Variants in RBMS3 observed in about 807,000 individuals in gnomAD.
RBMS3 encodes the protein RNA-binding motif, single-stranded-interacting protein 3.
A neutral mutation model predicts 66.8 loss-of-function variants in RBMS3; 27 were observed. The ratio of observed to expected loss-of-function variants is 0.40; its 90% confidence interval spans 0.30 to 0.56. The LOEUF is 0.56. Ranked by LOEUF, RBMS3 falls within the 20% of genes least tolerant of loss-of-function variation. The pLI is 0.40. For synonymous variants in RBMS3, 188 were observed against 183.0 expected (o/e 1.03, Z -0.22); for missense variants, 513 against 549.5 (o/e 0.93, Z 0.66).
intron 3 of RBMS3, among the ~76,000 whole-genome samples, chr3:29,522,741 C>T (rs1314275701): frequency 6.6e-6 from 1 of 152,096 alleles, no homozygotes; most frequent in African/African-American, 2.4e-5. Flanking sequence ...CAATACTACC[C>T]ATTGGCCAAT....
intron 8 of RBMS3, among the ~76,000 whole-genome samples, chr3:29,888,726 T>C (rs747543186): frequency 1.3e-4 from 20 of 151,654 alleles, no homozygotes; most frequent in Non-Finnish European, 2.8e-4. Context: ...AACGCACATA[T>C]CAAATTTTGT....
chr3:30,010,386 A>G lies in RBMS3; in HGVS notation c.*6524A>G, dbSNP rs369318980. On this transcript the variant is annotated 3_prime_UTR_variant, in exon 15 of 15. Coordinates refer to ENST00000383767, the MANE Select transcript of RBMS3 (RefSeq NM_001003793.3). The stretch of plus-strand genomic sequence containing the variant: ...TCAATAAAAAATGAAAATAAAATCA[A>G]TTGAATAGGGCTGTTGTGTTTTTCT... 2.0e-5 allele frequency: 3 copies of G among 152,380 alleles called. No homozygotes were observed. The highest frequency in any genetic ancestry group is 3.9e-4 in the East Asian group (2 of 5,186). 9.4% of individuals were successfully genotyped at this position (152,380 alleles called of 1,614,324 possible). A position where few individuals can be genotyped will look rare whatever the true frequency, so the allele number is the denominator to read the frequency against.
Position 29,418,294 on chromosome 3 carries a change from T to C in RBMS3, c.76-16449T>C, listed in dbSNP as rs550885071. On this transcript the variant is annotated intron_variant, in intron 1 of 14. Coordinates refer to ENST00000383767, the MANE Select transcript of RBMS3 (RefSeq NM_001003793.3). ...TACTTCTTTTTTGTTATTATCTGTG[T>C]CATTGCGCAAAATTGTAAATTGGGT... Among the ~76,000 whole-genome samples the C allele has an allele frequency of 3.9e-5, 6 of 152,298 alleles. No individual in the cohort carries two copies. In the East Asian group the frequency reaches 9.7e-4, roughly 25 times the overall value.
chr3:29,827,007 AG>A (rs1221752102), intron 6 of RBMS3, among the ~76,000 whole-genome samples: 1 of 152,176 alleles, frequency 6.6e-6, no homozygotes, highest in Non-Finnish European at 1.5e-5. Flanking sequence ...GGGGGAACTG[AG>A]TGATTTAAGA....
intron 4 of RBMS3, among the ~76,000 whole-genome samples, chr3:29,589,735 T>G (rs1480638592): frequency 6.6e-6 from 1 of 152,112 alleles, no homozygotes; most frequent in Non-Finnish European, 1.5e-5. Context: ...TGTGTGAAAC[T>G]TGCACTATAT....
intron 2 of RBMS3, among the ~76,000 whole-genome samples, chr3:29,484,442 T>G (rs1273194968): frequency 6.6e-6 from 1 of 152,206 alleles, no homozygotes; most frequent in Admixed American, 6.5e-5. Context: ...TCTCTGCTTA[T>G]AAGGACAACA....
rs1576694526 is a variant in RBMS3, at chr3:29,750,744, T to C, written c.557+10867T>C. Among the ~76,000 whole-genome samples the C allele has an allele frequency of 2.0e-5, 3 of 152,222 alleles. No individual in the cohort carries two copies. In the South Asian group the frequency reaches 6.2e-4, roughly 32 times the overall value. On this transcript the variant is annotated intron_variant, in intron 5 of 14. Transcript: ENST00000383767. ...AGGGCCCCAGTGTGTGTTGTTCCCC[T>C]CTATTTGCCCATATAAACAGCATTT...
At chr3:29,697,801 A>C (rs907626206) in intron 4 of RBMS3, among the ~76,000 whole-genome samples, 5 of 152,190 alleles carry the variant, frequency 3.3e-5, no homozygotes, top group African/African-American at 1.2e-4. Context: ...CCCACCACAT[A>C]AGATCAGATG....
chr3:29,480,906 GGAGAAAAGGAGAAGCAGGTCTTCTTTT>G (rs767433368), intron 2 of RBMS3, among the ~76,000 whole-genome samples: 63 of 152,146 alleles, frequency 4.1e-4, no homozygotes, highest in Non-Finnish European at 8.2e-4. Flanking sequence ...TACCAATTGG[GGAGAAAAGGAGAAGCAGGTCTTCTTTT>G]GAGACAGGAG....
intron 6 of RBMS3, among the ~76,000 whole-genome samples, chr3:29,849,692 C>CA (rs745389732): frequency 1.3e-5 from 2 of 152,012 alleles, no homozygotes; most frequent in Non-Finnish European, 2.9e-5. Context: ...GTTAAAAGAA[C>CA]AAAATCAACA....
At chr3:29,447,917 A>G (rs560980771) in intron 2 of RBMS3, among the ~76,000 whole-genome samples, 2 of 152,306 alleles carry the variant, frequency 1.3e-5, no homozygotes, top group South Asian at 2.1e-4. Context: ...CCTTCCACAC[A>G]TGAGTTTTCA....
Position 29,522,757 on chromosome 3 carries a change from T to C in RBMS3, c.307+34258T>C, listed in dbSNP as rs185214072. 1.2e-4 allele frequency among the ~76,000 whole-genome samples: 18 copies of C among 152,256 alleles called. No homozygotes were observed. In the East Asian group the frequency reaches 3.1e-3, roughly 26 times the overall value. On this transcript the variant is annotated intron_variant, in intron 3 of 14. Coordinates refer to ENST00000383767, the MANE Select transcript of RBMS3 (RefSeq NM_001003793.3). ...AATACTACCCATTGGCCAATCCTAC[T>C]GGAATCTAGTTGACAAAGGAGTCTG...
In RBMS3 at chr3:29,622,005, G is replaced by A. The variant is rs74341131; in HGVS notation, c.399+34800G>A. Among the ~76,000 whole-genome samples, 983 of 152,106 alleles carry A rather than the reference G, an allele frequency of 6.5e-3. 27 individuals carry two copies. The highest frequency in any genetic ancestry group is 0.057 in the Admixed American group (871 of 15,274). ...GGGATGAAATAAAAAATAAGATTTCGCTTCTGTGTTCTTCATTTATAAGAC... is the reference window on the plus strand; with the variant it reads ...GGGATGAAATAAAAAATAAGATTTCACTTCTGTGTTCTTCATTTATAAGAC... On this transcript the variant is annotated intron_variant, in intron 4 of 14. Transcript: ENST00000383767.
At chr3:29,508,776 C>A (rs190834144) in intron 3 of RBMS3, among the ~76,000 whole-genome samples, 1 of 151,426 alleles carries the variant, frequency 6.6e-6, no homozygotes, top group Non-Finnish European at 1.5e-5. Context: ...AATCACCACA[C>A]TGTCTTCCAC....
At chr3:29,409,414 G>A (rs1196867452) in intron 1 of RBMS3, among the ~76,000 whole-genome samples, 1 of 152,114 alleles carries the variant, frequency 6.6e-6, no homozygotes, top group African/African-American at 2.4e-5. Context: ...GGCCTGAAAT[G>A]ACATATGTTT....
Position 29,313,654 on chromosome 3 carries a change from A to C in RBMS3, c.75+31898A>C, listed in dbSNP as rs529703686. The stretch of plus-strand genomic sequence containing the variant: ...GAAATCCTAAAACTCCCATATAGGA[A>C]CAAAATCCTACGCCTTATGGTACAC... On this transcript the variant is annotated intron_variant, in intron 1 of 14. Coordinates refer to ENST00000383767, the MANE Select transcript of RBMS3 (RefSeq NM_001003793.3). Among the ~76,000 whole-genome samples, 3 of 151,848 alleles carry C rather than the reference A, an allele frequency of 2.0e-5. No homozygotes were observed. The South Asian group carries it at 6.2e-4, about 31-fold the overall frequency.
intron 4 of RBMS3, among the ~76,000 whole-genome samples, chr3:29,732,854 G>A (rs767086848): frequency 5.3e-5 from 8 of 151,950 alleles, no homozygotes; most frequent in African/African-American, 1.9e-4. Flanking sequence ...ACTGAATAAC[G>A]ATATTTATAG....
intron 3 of RBMS3, among the ~76,000 whole-genome samples, chr3:29,500,687 G>A (rs188542402): frequency 1.3e-5 from 2 of 152,036 alleles, no homozygotes; most frequent in African/African-American, 2.4e-5. Context: ...ATACAGCCTA[G>A]GTGTATAGTA....
At chr3:29,971,886 A>T (rs1284852717) in intron 12 of RBMS3, among the ~76,000 whole-genome samples, 1 of 151,498 alleles carries the variant, frequency 6.6e-6, no homozygotes, top group Non-Finnish European at 1.5e-5. Flanking sequence ...TAGGTGGATT[A>T]AAAAAAAAGT....
Sources: allele counts gnomAD v4.1 joint callset (sites outside exome capture counted in the v4.1 genomes callset), GRCh38; gene constraint gnomAD v4.1.1; transcripts MANE v1.5; gene names NCBI Gene and HGNC (gene_info 2026-07-23, HGNC 2026-07-21).